The following TAF12 variants were observed in gnomAD, a reference collection of about 807,000 sequenced individuals.
TAF12 encodes transcription initiation factor TFIID subunit 12.
Under a neutral mutation model 20.8 loss-of-function variants are expected in TAF12, and 3 were observed. That is an observed-to-expected ratio of 0.14 (90% CI 0.07 to 0.37). TAF12 has a LOEUF of 0.37. Among genes scored for constraint, TAF12 ranks in the 10% least tolerant of loss-of-function variants. The probability of loss-of-function intolerance (pLI) is 1.00; values close to 1 mark genes in which losing one functional copy is unlikely to be tolerated. For synonymous variants in TAF12, 69 were observed against 70.2 expected, an observed-to-expected ratio of 0.98 and a Z score of 0.09; for missense variants, 131 against 197.9, an observed-to-expected ratio of 0.66 and a Z score of 2.03.
rs542960508 is a variant in TAF12 at position 28,636,351 on chromosome 1, T to G, written c.-85+6641A>C. ...TGTCTCTAACAACAACAAAAGGTAGTATAGTGTATAGTACAGTGGTCAAGG... is the reference window on the plus strand; with the variant it reads ...TGTCTCTAACAACAACAAAAGGTAGGATAGTGTATAGTACAGTGGTCAAGG... On this transcript the variant is annotated intron_variant, in intron 1 of 5. Transcript: ENST00000373824. 5.3e-4 allele frequency among the ~76,000 whole-genome samples: 79 copies of G among 148,190 alleles called. 1 individual carries two copies. Among genetic ancestry groups the G allele is most frequent in the African/African-American group, 1.9e-3 (77 of 39,924 alleles).
chr1:28,643,098 G>A (rs1015149022), upstream of TAF12: 6 of 985,750 alleles, frequency 6.1e-6, no homozygotes, highest in African/African-American at 5.2e-5. Flanking sequence ...TTCCGGCACC[G>A]CTCCCCGCCT....
At chr1:28,630,990 A>G (rs1392732067) in intron 1 of TAF12, among the ~76,000 whole-genome samples, 23 of 147,646 alleles carry the variant, frequency 1.6e-4, no homozygotes, top group Non-Finnish European at 3.1e-4. Context: ...GGTTGCAGTG[A>G]GCTGAGACCG....
chr1:28,610,475 T>A (rs531999843), intron 4 of TAF12, among the ~76,000 whole-genome samples: 17 of 151,932 alleles, frequency 1.1e-4, no homozygotes, highest in Admixed American at 9.8e-4. Context: ...AAATCTTTTT[T>A]AAATCTTTTA....
Position 28,616,251 on chromosome 1 carries a change from T to C in TAF12, c.246+1702A>G, listed in dbSNP as rs557401840. Among the ~76,000 whole-genome samples, 6 of 149,542 alleles carry C rather than the reference T, an allele frequency of 4.0e-5. No homozygotes were observed. In the South Asian group the frequency reaches 1.3e-3, roughly 32 times the overall value. On this transcript the variant is annotated intron_variant, in intron 3 of 5. Transcript: ENST00000373824. ...GTTACTACTAAAAATACGAAATTAGTCAGGTATGGTGGTGTGCACCTGTAA... is the reference window on the plus strand; with the variant it reads ...GTTACTACTAAAAATACGAAATTAGCCAGGTATGGTGGTGTGCACCTGTAA...
chr1:28,614,558 C>T (rs1187941816), intron 3 of TAF12, among the ~76,000 whole-genome samples: 4 of 151,760 alleles, frequency 2.6e-5, no homozygotes. Context: ...TGGCAGGCAT[C>T]TGTAATCCCA....
intron 4 of TAF12, among the ~76,000 whole-genome samples, chr1:28,612,533 T>TATATATAA (rs1666899193): frequency 6.9e-6 from 1 of 145,610 alleles, no homozygotes; most frequent in Non-Finnish European, 1.5e-5. Flanking sequence ...ATATATAAAT[T>TATATATAA]ATATATAAAT....
At chr1:28,610,267 C>T (rs1215262333) in intron 4 of TAF12, among the ~76,000 whole-genome samples, 6 of 151,870 alleles carry the variant, frequency 4.0e-5, no homozygotes, top group Admixed American at 2.0e-4. Context: ...TGCGCCTGGC[C>T]GATTTGTTTT....
intron 4 of TAF12, among the ~76,000 whole-genome samples, chr1:28,612,567 C>T (rs1004527357): frequency 1.2e-4 from 17 of 145,568 alleles, no homozygotes; most frequent in East Asian, 2.0e-4. Context: ...TAAATATATA[C>T]ATATATATAC....
chr1:28,642,264 T>C (rs1450003463), intron 1 of TAF12, among the ~76,000 whole-genome samples: 1 of 152,192 alleles, frequency 6.6e-6, no homozygotes, highest in Non-Finnish European at 1.5e-5. Context: ...AGAAGTTGTC[T>C]TCCCCTGAAT....
In TAF12 at chr1:28,634,842, T is replaced by C. The variant is rs1667761797; in HGVS notation, c.-85+8150A>G. The stretch of plus-strand genomic sequence containing the variant: ...TACTCGGGAAGCTGAGGCAGGAGAA[T>C]TGTTTGAACCCGGGAGGTGGAGGTT... On this transcript the variant is annotated intron_variant, in intron 1 of 5. Coordinates refer to ENST00000373824, the MANE Select transcript of TAF12 (RefSeq NM_005644.4). 2.6e-5 allele frequency among the ~76,000 whole-genome samples: 4 copies of C among 151,976 alleles called. No homozygotes were observed. In the South Asian group the frequency reaches 8.3e-4, roughly 32 times the overall value.
chr1:28,613,812 A>C (rs1666943479), intron 3 of TAF12, among the ~76,000 whole-genome samples: 1 of 152,228 alleles, frequency 6.6e-6, no homozygotes, highest in Non-Finnish European at 1.5e-5. Flanking sequence ...TGGCCATGTA[A>C]GTAGAAAGCA....
At chr1:28,612,056 C>T (rs1666878756) in intron 4 of TAF12, among the ~76,000 whole-genome samples, 1 of 152,140 alleles carries the variant, frequency 6.6e-6, no homozygotes, top group Admixed American at 6.6e-5. Context: ...CTACCAATGC[C>T]TCCCCAAGGC....
chr1:28,627,644 G>C (rs888653558), intron 1 of TAF12, among the ~76,000 whole-genome samples: 5 of 118,518 alleles, frequency 4.2e-5, no homozygotes, highest in African/African-American at 1.4e-4. Flanking sequence ...AGTGAGCCGA[G>C]ATCGCGCCAC....
At position 28,605,427 on chromosome 1, in the gene TAF12, C is replaced by T; in HGVS notation, c.395G>A (p.Gly132Asp). Residue 132 changes from glycine (G) to aspartate (D), a missense_variant, in exon 5 of 6, where the codon GGC (glycine) becomes GAC (aspartate). Gly to Asp is a moderately conservative substitution (Grantham distance 94). Coordinates refer to ENST00000373824, the MANE Select transcript of TAF12 (RefSeq NM_005644.4). ...RQWNMWIPGF[G>D]SEEIRPYKKA... is the part of the protein sequence containing the mutation. ...TTTGTAGGGTCGGATTTCTTCAGAG[C>T]CAAATCCTGGGATCCACATGTTCCA... is the stretch of plus-strand genomic sequence containing the variant. 1.9e-6 allele frequency: 3 copies of T among 1,614,066 alleles called. No individual in the cohort carries two copies. The highest frequency in any genetic ancestry group is 1.7e-6 in the Non-Finnish European group (2 of 1,180,018).
rs781086540 is a variant in TAF12 at position 28,621,937 on chromosome 1, G to A, written c.145C>T (p.Arg49Cys). 17 of 1,613,364 alleles carry A rather than the reference G, an allele frequency of 1.1e-5. No individual in the cohort carries two copies. Among genetic ancestry groups the A allele is most frequent in the East Asian group, 4.5e-5 (2 of 44,868 alleles). The change falls in exon 2 of 6, where the codon CGT (arginine) becomes TGT (cysteine). Residue 49 changes from arginine to cysteine, a missense_variant. By Grantham distance (180) the Arg-to-Cys change is radical (BLOSUM62 -3). This residue lies in a region of TAF12 where 63 missense variants were observed against 72.1 expected (regional missense o/e 0.87). Coordinates refer to ENST00000373824, the MANE Select transcript of TAF12 (RefSeq NM_005644.4). The stretch of plus-strand genomic sequence containing the variant: ...ACCTGATTGTTTTCAGGGCTAAGAC[G>A]ACCTCCTGCCCCAGGAGTGCCTGGT... ...KIPGTPGAGG[R>C]LSPENNQVLT... is the part of the protein sequence containing the mutation.
intron 2 of TAF12, among the ~76,000 whole-genome samples, chr1:28,618,329 TG>T (rs1216888545): frequency 6.6e-6 from 1 of 152,158 alleles, no homozygotes; most frequent in African/African-American, 2.4e-5. Context: ...TGCAATTCTC[TG>T]ACCACCACAA....
In TAF12 at chr1:28,603,399, T is replaced by A; in HGVS notation, c.*140A>T. 1.2e-6 allele frequency: 1 copy of A among 825,702 alleles called. No individual in the cohort carries two copies. The highest frequency in any genetic ancestry group is 2.6e-5 in the East Asian group (1 of 38,522). 51.1% of individuals were successfully genotyped at this position (825,702 alleles called of 1,614,324 possible). ...TTTTGGCAGATCCTCTCAGTCATTA[T>A]AGATATTGCTGCACTGTTAATAAAA... On this transcript the variant is annotated 3_prime_UTR_variant, in exon 6 of 6. Transcript: ENST00000373824.
intron 5 of TAF12, among the ~76,000 whole-genome samples, chr1:28,604,759 T>C (rs1408824092): frequency 6.6e-6 from 1 of 152,118 alleles, no homozygotes; most frequent in African/African-American, 2.4e-5. Flanking sequence ...GAGTAGCCAC[T>C]TAAGTTAAGA....
At chr1:28,629,155 G>T (rs1281544237) in intron 1 of TAF12, among the ~76,000 whole-genome samples, 2 of 152,128 alleles carry the variant, frequency 1.3e-5, no homozygotes, top group African/African-American at 2.4e-5. Flanking sequence ...ATAAGAAACT[G>T]ATAACAGAGG....
Sources: gnomAD v4.1 joint callset for allele counts (sites outside exome capture counted in the v4.1 genomes callset) on GRCh38, gnomAD v4.1.1 for gene constraint, gnomAD v4.1.1 regional missense constraint, MANE v1.5 for transcripts, NCBI Gene and HGNC (gene_info 2026-07-23, HGNC 2026-07-21) for gene names.